The following NLGN1 variants were observed in gnomAD, a reference collection of about 807,000 sequenced individuals.
NLGN1 encodes the protein neuroligin-1.
A neutral mutation model predicts 65.5 loss-of-function variants in NLGN1; 12 were observed. The ratio of observed to expected loss-of-function variants is 0.18; its 90% CI spans 0.12 to 0.30. The LOEUF (loss-of-function observed/expected upper bound fraction) is 0.30. Ranked by LOEUF, NLGN1 falls within the 10% of genes least tolerant of loss-of-function variation. NLGN1 has a pLI of 1.00. For missense variants in NLGN1, 750 were observed against 1,007.1 expected (o/e 0.74, Z 3.46); for synonymous variants, 350 against 359.5 (o/e 0.97, Z 0.30).
At chr3:173,573,979 C>T (rs566682457) in intron 2 of NLGN1, among the ~76,000 whole-genome samples, 28 of 143,946 alleles carry the variant, frequency 1.9e-4, no homozygotes, top group Admixed American at 1.2e-3. Flanking sequence ...AGGAGAATGG[C>T]GTGAACCCAG....
intron 4 of NLGN1, among the ~76,000 whole-genome samples, chr3:173,954,899 C>G (rs79531513): frequency 6.6e-6 from 1 of 151,938 alleles, no homozygotes; most frequent in Non-Finnish European, 1.5e-5. Context: ...TGAGTACTTG[C>G]AAAATGCATG....
At chr3:173,579,905 A>G (rs1409336703) in intron 2 of NLGN1, among the ~76,000 whole-genome samples, 1 of 151,910 alleles carries the variant, frequency 6.6e-6, no homozygotes, top group Non-Finnish European at 1.5e-5. Flanking sequence ...ATTCTGTTTT[A>G]TTTTATTTCT....
chr3:173,582,501 G>A (rs964840738), intron 2 of NLGN1, among the ~76,000 whole-genome samples: 27 of 151,866 alleles, frequency 1.8e-4, no homozygotes, highest in Non-Finnish European at 5.9e-5. Flanking sequence ...TTTCATGACT[G>A]GGAAACAAAA....
At chr3:173,618,622 G>C (rs1428177665) in intron 3 of NLGN1, among the ~76,000 whole-genome samples, 2 of 152,130 alleles carry the variant, frequency 1.3e-5, no homozygotes, top group Non-Finnish European at 2.9e-5. Flanking sequence ...AGAGTGTTTG[G>C]AACATGGTTA....
chr3:173,935,915 C>T (rs543164006), intron 4 of NLGN1, among the ~76,000 whole-genome samples: 1 of 152,008 alleles, frequency 6.6e-6, no homozygotes, highest in South Asian at 2.1e-4. Flanking sequence ...CACCAAAGAC[C>T]TACTGCTCCC....
At chr3:174,118,589 G>A (rs1561085310) in intron 4 of NLGN1, among the ~76,000 whole-genome samples, 1 of 152,160 alleles carries the variant, frequency 6.6e-6, no homozygotes, top group Non-Finnish European at 1.5e-5. Context: ...AGGAGCTAGT[G>A]AGGAAACATC....
intron 3 of NLGN1, among the ~76,000 whole-genome samples, chr3:173,769,021 A>G (rs1470362968): frequency 6.6e-6 from 1 of 152,116 alleles, no homozygotes; most frequent in Non-Finnish European, 1.5e-5. Context: ...CCACCCTATC[A>G]GCCTCCCAAA....
At chr3:173,788,705 C>T (rs1711865589) in intron 3 of NLGN1, among the ~76,000 whole-genome samples, 1 of 151,852 alleles carries the variant, frequency 6.6e-6, no homozygotes, top group South Asian at 2.1e-4. Flanking sequence ...CTTGTAGTTC[C>T]AGCTGCTGGA....
At chr3:173,405,061 A>T (rs1718370832) in intron 1 of NLGN1, among the ~76,000 whole-genome samples, 1 of 152,110 alleles carries the variant, frequency 6.6e-6, no homozygotes, top group African/African-American at 2.4e-5. Flanking sequence ...TTAAGAATTT[A>T]AAAAAATTTA....
intron 3 of NLGN1, among the ~76,000 whole-genome samples, chr3:173,774,174 T>C (rs1270525970): frequency 1.3e-5 from 2 of 152,196 alleles, no homozygotes; most frequent in African/African-American, 4.8e-5. Context: ...ATGTGTAAAC[T>C]GAAGTGGTCA....
rs1034617461 is a variant in NLGN1 at position 173,960,008 on chromosome 3, A to G, written c.646+152176A>G. Among the ~76,000 whole-genome samples the G allele has an allele frequency of 2.7e-4, 41 of 152,110 alleles. 1 individual carries two copies. The highest frequency in any genetic ancestry group is 1.3e-4 in the Admixed American group (2 of 15,280). ...TATACTGAGATTTGTATATCAGATT[A>G]CACAGATTTGTATATGACATTCGAA... On this transcript the variant is annotated intron_variant, in intron 4 of 6. Coordinates refer to ENST00000457714, the Ensembl canonical transcript of NLGN1.
At chr3:173,502,618 A>G (rs1731331073) in intron 2 of NLGN1, among the ~76,000 whole-genome samples, 1 of 152,126 alleles carries the variant, frequency 6.6e-6, no homozygotes, top group Admixed American at 6.6e-5. Flanking sequence ...TGTTCTTTAT[A>G]CTGACAAGTA....
chr3:174,180,432 G>C (rs1286017418), intron 4 of NLGN1, among the ~76,000 whole-genome samples: 1 of 152,138 alleles, frequency 6.6e-6, no homozygotes, highest in Non-Finnish European at 1.5e-5. Flanking sequence ...TGTTTCTAGA[G>C]AAATGTCATG....
At chr3:173,488,986 A>G (rs1329938219) in intron 2 of NLGN1, among the ~76,000 whole-genome samples, 1 of 151,408 alleles carries the variant, frequency 6.6e-6, no homozygotes, top group Non-Finnish European at 1.5e-5. Context: ...TTTCACTAAT[A>G]TCTCCTCAAC....
At chr3:173,949,476 C>T (rs1747786423) in intron 4 of NLGN1, among the ~76,000 whole-genome samples, 1 of 152,042 alleles carries the variant, frequency 6.6e-6, no homozygotes, top group Admixed American at 6.6e-5. Flanking sequence ...AGAAAAATTC[C>T]CCTAATAGCC....
intron 2 of NLGN1, among the ~76,000 whole-genome samples, chr3:173,552,119 G>T (rs1017061132): frequency 2.0e-5 from 3 of 152,132 alleles, no homozygotes; most frequent in Non-Finnish European, 2.9e-5. Context: ...TCACACATGA[G>T]AAAATTTCTG....
At chr3:174,038,631 A>C (rs2152485403) in intron 4 of NLGN1, among the ~76,000 whole-genome samples, 1 of 152,008 alleles carries the variant, frequency 6.6e-6, no homozygotes, top group East Asian at 1.9e-4. Flanking sequence ...TGGAATATTT[A>C]CTCTAAGGTT....
rs1357585346 is a variant in NLGN1 at position 173,965,614 on chromosome 3, G to A, written c.646+157782G>A. Among the ~76,000 whole-genome samples the A allele has an allele frequency of 3.3e-5, 5 of 151,816 alleles. No individual in the cohort carries two copies. In the East Asian group the frequency reaches 7.8e-4, roughly 24 times the overall value. ...ATTACAGACGTGAGCCACCCAACGC[G>A]CTGGCCCATTCCTAAAACATTTATT... On this transcript the variant is annotated intron_variant, in intron 4 of 6. Coordinates refer to ENST00000457714, the Ensembl canonical transcript of NLGN1.
rs552582719 is a variant in NLGN1, at chr3:174,067,649, A to G, written c.647-207666A>G. The stretch of plus-strand genomic sequence containing the variant: ...CAGGATGTTCCACTGGAGGAATTTC[A>G]TCGGACAAAGTTTTCACAAATCTGT... On this transcript the variant is annotated intron_variant, in intron 4 of 6. Transcript: ENST00000457714. Among the ~76,000 whole-genome samples the G allele has an allele frequency of 2.0e-5, 3 of 152,260 alleles. No homozygotes were observed. In the South Asian group the frequency reaches 6.2e-4, roughly 32 times the overall value.
Sources: allele counts gnomAD v4.1 joint callset (sites outside exome capture counted in the v4.1 genomes callset), GRCh38; gene constraint gnomAD v4.1.1; transcripts MANE v1.5; gene names NCBI Gene and HGNC (gene_info 2026-07-23, HGNC 2026-07-21).